The following TUSC3 variants were observed in gnomAD, a reference collection of about 807,000 sequenced individuals.
The protein encoded by TUSC3 is tumor suppressor candidate 3.
In TUSC3, 45 loss-of-function variants were observed where a neutral mutation model predicts 44.8. The ratio of observed to expected loss-of-function variants is 1.00; its 90% CI spans 0.79 to 1.29. The LOEUF (loss-of-function observed/expected upper bound fraction) is 1.29. Ranked by LOEUF, TUSC3 falls within the 50% of genes most tolerant of loss-of-function variation. The pLI is 0.00. For missense variants in TUSC3, 519 were observed against 437.9 expected (o/e 1.19, Z -1.65); for synonymous variants, 212 against 152.9 (o/e 1.39, Z -2.85).
the TUSC3 span, among the ~76,000 whole-genome samples, chr8:15,817,212 A>C: frequency 6.6e-6 from 1 of 152,202 alleles, no homozygotes; most frequent in Non-Finnish European, 1.5e-5. Context: ...AACGTAGTGA[A>C]ATAAATAAGC....
chr8:15,627,878 G>A (rs905239745), intron 2 of TUSC3, among the ~76,000 whole-genome samples: 7 of 152,310 alleles, frequency 4.6e-5, no homozygotes, highest in South Asian at 2.1e-4. Flanking sequence ...GGCCGGTAGC[G>A]GGAGCTGAGT....
intron 2 of TUSC3, among the ~76,000 whole-genome samples, chr8:15,515,602 A>C (rs552455792): frequency 1.3e-5 from 2 of 152,192 alleles, no homozygotes; most frequent in South Asian, 4.1e-4. Flanking sequence ...GTTTTTATTA[A>C]TCAAGTTTTT....
chr8:15,641,101 C>G (rs1430463784), intron 2 of TUSC3, among the ~76,000 whole-genome samples: 1 of 152,102 alleles, frequency 6.6e-6, no homozygotes, highest in Non-Finnish European at 1.5e-5. Flanking sequence ...TGGCTCACAC[C>G]TGTAATCCCA....
the TUSC3 span, among the ~76,000 whole-genome samples, chr8:15,832,854 G>T: frequency 2.6e-5 from 4 of 152,084 alleles, no homozygotes; most frequent in African/African-American, 9.7e-5. Context: ...ACACCCCAAT[G>T]ACAGTATTAG....
chr8:15,566,800 A>G (rs1802695309), intron 1 of TUSC3, among the ~76,000 whole-genome samples: 2 of 151,994 alleles, frequency 1.3e-5, no homozygotes, highest in African/African-American at 2.4e-5. Flanking sequence ...ATTTGTGTGT[A>G]TGTGTTTGTG....
rs1198309825 is a variant in TUSC3 at position 15,694,742 on chromosome 8, T to TG, written c.798+20912dup. Among the ~76,000 whole-genome samples, 6 of 152,270 alleles carry TG rather than the reference T, an allele frequency of 3.9e-5. No homozygotes were observed. In the South Asian group the frequency reaches 6.2e-4, roughly 16 times the overall value. Reference sequence around the variant, plus strand: ...ACTCCCGAGCTGCATGCCCTAACTCTGGGGGGCTGGTTTCAGGCCCTAGCT... The same window carrying TG: ...ACTCCCGAGCTGCATGCCCTAACTCTGGGGGGGCTGGTTTCAGGCCCTAGCT... On this transcript the variant is annotated intron_variant, in intron 6 of 10. Coordinates refer to ENST00000503731, the MANE Select transcript of TUSC3 (RefSeq NM_006765.4).
At chr8:15,590,387 C>T (rs1803776760) in intron 1 of TUSC3, among the ~76,000 whole-genome samples, 1 of 152,146 alleles carries the variant, frequency 6.6e-6, no homozygotes, top group Non-Finnish European at 1.5e-5. Context: ...GGCCATCATG[C>T]CTAGTGAGAG....
chr8:15,794,094 T>C, the TUSC3 span, among the ~76,000 whole-genome samples: 2 of 152,184 alleles, frequency 1.3e-5, no homozygotes, highest in African/African-American at 4.8e-5. Flanking sequence ...AACTGTACAT[T>C]TCAATTGCAG....
At chr8:15,718,826 ATAAC>A (rs1345190117) in intron 6 of TUSC3, among the ~76,000 whole-genome samples, 1 of 152,118 alleles carries the variant, frequency 6.6e-6, no homozygotes, top group Non-Finnish European at 1.5e-5. Flanking sequence ...GGACATTAAA[ATAAC>A]TAAATCTTTA....
chr8:15,501,770 G>A (rs560193418), intron 2 of TUSC3, among the ~76,000 whole-genome samples: 1 of 152,252 alleles, frequency 6.6e-6, no homozygotes, highest in Admixed American at 6.5e-5. Context: ...TATCTAACAG[G>A]ATGCTGATTG....
chr8:15,714,296 T>C (rs1348953880), intron 6 of TUSC3, among the ~76,000 whole-genome samples: 2 of 152,160 alleles, frequency 1.3e-5, no homozygotes, highest in Admixed American at 1.3e-4. Context: ...AGTGTAGCAG[T>C]ATATATGTTG....
At chr8:15,495,078 A>G (rs1585065374) in intron 2 of TUSC3, among the ~76,000 whole-genome samples, 1 of 152,190 alleles carries the variant, frequency 6.6e-6, no homozygotes, top group Admixed American at 6.5e-5. Flanking sequence ...TGCAAAATAC[A>G]GGATCTCATT....
At chr8:15,841,557 A>G in the TUSC3 span, among the ~76,000 whole-genome samples, 324 of 152,046 alleles carry the variant, frequency 2.1e-3, 2 homozygotes, top group African/African-American at 7.4e-3. Context: ...TTTGTCTCCC[A>G]GGCTAGCGTG....
intron 7 of TUSC3, 102 bp from the exon 8 acceptor site, chr8:15,743,436 G>A: frequency 8.8e-7 from 1 of 1,130,728 alleles, no homozygotes. Flanking sequence ...ACCTCTGTGT[G>A]CATTTGTAGT....
At chr8:15,491,586 A>C (rs542660223) in intron 2 of TUSC3, among the ~76,000 whole-genome samples, 1 of 152,200 alleles carries the variant, frequency 6.6e-6, no homozygotes, top group Admixed American at 6.5e-5. Context: ...CTTTTTGCTT[A>C]CATACACTGT....
intron 2 of TUSC3, among the ~76,000 whole-genome samples, chr8:15,625,459 A>T (rs915768589): frequency 6.6e-6 from 1 of 152,212 alleles, no homozygotes; most frequent in African/African-American, 2.4e-5. Context: ...CAGTAAAATC[A>T]TCTGGGTCTG....
intron 6 of TUSC3, among the ~76,000 whole-genome samples, chr8:15,718,441 G>A (rs1206300392): frequency 2.0e-5 from 3 of 152,124 alleles, no homozygotes; most frequent in African/African-American, 7.2e-5. Context: ...GTACAGTTTT[G>A]ATTTTAGAGT....
chr8:15,473,805 A>AACT lies in TUSC3; in HGVS notation n.92-9577_92-9575dup, dbSNP rs1430854000. On this transcript the variant is annotated intron_variant and non_coding_transcript_variant, in intron 1 of 5. Transcript: ENST00000503191. ...GAGGAAACAGGACAAGGCAAAACAGAACTACTGATAAGGGTCTGTGTTCAG... is the reference window on the plus strand; with the variant it reads ...GAGGAAACAGGACAAGGCAAAACAGAACTACTACTGATAAGGGTCTGTGTTCAG... Among the ~76,000 whole-genome samples the AACT allele has an allele frequency of 2.3e-4, 35 of 152,152 alleles. 1 individual carries two copies. Among genetic ancestry groups the AACT allele is most frequent in the Admixed American group, 1.0e-3 (16 of 15,264 alleles).
At chr8:15,525,039 G>A (rs1327200867) in intron 2 of TUSC3, among the ~76,000 whole-genome samples, 1 of 152,186 alleles carries the variant, frequency 6.6e-6, no homozygotes, top group African/African-American at 2.4e-5. Context: ...TGCAACTGTT[G>A]AGACTAACTC....
Sources: allele counts gnomAD v4.1 joint callset (sites outside exome capture counted in the v4.1 genomes callset), GRCh38; gene constraint gnomAD v4.1.1; transcripts MANE v1.5; gene names NCBI Gene and HGNC (gene_info 2026-07-23, HGNC 2026-07-21).